The following FOXP1 variants were observed in gnomAD, a reference collection of about 807,000 sequenced individuals.
FOXP1 encodes the protein forkhead box P1.
Under a neutral mutation model 98.2 loss-of-function variants are expected in FOXP1, and 15 were observed. That is an observed-to-expected ratio of 0.15 (90% CI 0.10 to 0.24). The LOEUF is 0.24. FOXP1 is among the 10% of genes least tolerant of loss of function. The pLI is 1.00. For missense variants in FOXP1, 633 were observed against 848.5 expected (o/e 0.75, Z 3.15); for synonymous variants, 371 against 314.5 (o/e 1.18, Z -1.90).
At chr3:71,322,527 G>C (rs992170042) in intron 4 of FOXP1, among the ~76,000 whole-genome samples, 23 of 152,186 alleles carry the variant, frequency 1.5e-4, no homozygotes, top group African/African-American at 5.6e-4. Context: ...TTCTCATGGA[G>C]CCAGTACCTT....
At chr3:71,018,266 A>C (rs1423838254) in intron 11 of FOXP1, among the ~76,000 whole-genome samples, 4 of 152,208 alleles carry the variant, frequency 2.6e-5, no homozygotes, top group African/African-American at 9.6e-5. Context: ...CCTATACTTC[A>C]AAGGACAGAT....
intron 3 of FOXP1, among the ~76,000 whole-genome samples, chr3:71,483,350 T>A (rs2090424825): frequency 6.6e-6 from 1 of 152,178 alleles, no homozygotes; most frequent in Admixed American, 6.5e-5. Context: ...ACATTATTAT[T>A]TCATCAGAAA....
chr3:71,424,446 CA>C (rs1355421235), intron 3 of FOXP1, among the ~76,000 whole-genome samples: 1 of 152,182 alleles, frequency 6.6e-6, no homozygotes, highest in African/African-American at 2.4e-5. Flanking sequence ...CCAGTGCCCA[CA>C]GCCAGGTAAA....
intron 2 of FOXP1, among the ~76,000 whole-genome samples, chr3:71,510,774 A>T (rs1435652069): frequency 2.6e-5 from 4 of 152,360 alleles, no homozygotes; most frequent in South Asian, 4.1e-4. Context: ...GAAAGTGTTC[A>T]TTCCTGGCAT....
intron 5 of FOXP1, among the ~76,000 whole-genome samples, chr3:71,268,598 C>G (rs2704799): frequency 0.016 from 2,374 of 152,254 alleles, 64 homozygotes; most frequent in African/African-American, 0.054. Flanking sequence ...ATCATGCCAG[C>G]CCCTCTGACC....
intron 5 of FOXP1, among the ~76,000 whole-genome samples, chr3:71,263,787 A>C (rs2107214302): frequency 6.6e-6 from 1 of 151,762 alleles, no homozygotes; most frequent in South Asian, 2.1e-4. Context: ...TCTGTCACCC[A>C]CGCTGGAGTG....
chr3:71,238,983 A>G (rs2067028968), intron 5 of FOXP1, among the ~76,000 whole-genome samples: 1 of 152,212 alleles, frequency 6.6e-6, no homozygotes, highest in Non-Finnish European at 1.5e-5. Context: ...TCAATCAGGA[A>G]ATATTTCTTC....
intron 12 of FOXP1, among the ~76,000 whole-genome samples, chr3:71,005,283 A>G (rs1247389045): frequency 7.0e-6 from 1 of 142,648 alleles, no homozygotes; most frequent in African/African-American, 2.6e-5. Flanking sequence ...TAGAAACTGA[A>G]TCAGAGGTGG....
intron 7 of FOXP1, among the ~76,000 whole-genome samples, chr3:71,081,998 G>A (rs1398364381): frequency 5.9e-5 from 9 of 152,026 alleles, no homozygotes; most frequent in African/African-American, 1.2e-4. Flanking sequence ...ACGGTGCTGC[G>A]CTGGGCGCGG....
chr3:71,034,837 T>C (rs1489624841), intron 11 of FOXP1, among the ~76,000 whole-genome samples: 1 of 152,180 alleles, frequency 6.6e-6, no homozygotes, highest in Non-Finnish European at 1.5e-5. Flanking sequence ...AGTCATATGA[T>C]TTCTACTCTG....
intron 1 of FOXP1, 106 bp downstream of exon 1, chr3:71,583,465 C>CTTT (rs1195207970): frequency 1.2e-5 from 9 of 735,982 alleles, no homozygotes; most frequent in East Asian, 1.4e-4. Context: ...TTCTTTCTTT[C>CTTT]TTTTTTTTTT....
At chr3:71,064,912 G>T in intron 7 of FOXP1, 1 of 600,434 alleles carries the variant, frequency 1.7e-6, no homozygotes, top group Non-Finnish European at 2.1e-6. Context: ...GCCTCGGCGT[G>T]CAGGCGGACT....
chr3:71,294,489 C>A (rs1402957145), intron 5 of FOXP1, among the ~76,000 whole-genome samples: 1 of 152,166 alleles, frequency 6.6e-6, no homozygotes, highest in African/African-American at 2.4e-5. Context: ...GCCTGCCCCT[C>A]TAGACTATCA....
intron 3 of FOXP1, among the ~76,000 whole-genome samples, chr3:71,450,574 T>C (rs923519915): frequency 3.3e-5 from 5 of 152,240 alleles, no homozygotes; most frequent in African/African-American, 1.2e-4. Flanking sequence ...TAGTTCCTAA[T>C]GTCTAGTGTA....
Position 70,955,657 on chromosome 3 carries a change from C to G in FOXP1, c.*3590G>C. On this transcript the variant is annotated 3_prime_UTR_variant, in exon 21 of 21. Transcript: ENST00000649528. ...CACTGATAAACTTGGAAAAGTGTGACCCTGGAATTTCATCATGCAAAATAT... is the reference window on the plus strand; with the variant it reads ...CACTGATAAACTTGGAAAAGTGTGAGCCTGGAATTTCATCATGCAAAATAT... The G allele has an allele frequency of 4.3e-6, 1 of 232,982 alleles. No homozygotes were observed. The highest frequency in any genetic ancestry group is 8.5e-6 in the Non-Finnish European group (1 of 117,958). The allele number at this position is 232,982 out of a possible 1,614,324, so 14.4% of individuals were successfully genotyped here.
intron 3 of FOXP1, among the ~76,000 whole-genome samples, chr3:71,435,204 G>A (rs1368438483): frequency 1.6e-5 from 2 of 125,874 alleles, no homozygotes; most frequent in African/African-American, 6.3e-5. Context: ...AGGAAGAAGG[G>A]AAGGAAGGGA....
chr3:71,327,678 TGCCCA>T (rs1203114764), intron 4 of FOXP1, among the ~76,000 whole-genome samples: 2 of 152,038 alleles, frequency 1.3e-5, no homozygotes, highest in East Asian at 3.9e-4. Flanking sequence ...TGAGCCACTG[TGCCCA>T]GCCCAATTTC....
intron 3 of FOXP1, among the ~76,000 whole-genome samples, chr3:71,447,266 T>G (rs1414332533): frequency 1.3e-5 from 2 of 152,216 alleles, no homozygotes; most frequent in Non-Finnish European, 2.9e-5. Flanking sequence ...CTGTTTAAAT[T>G]TAGCCACTAT....
At chr3:71,250,142 T>C (rs1414757475) in intron 5 of FOXP1, among the ~76,000 whole-genome samples, 1 of 150,094 alleles carries the variant, frequency 6.7e-6, no homozygotes, top group South Asian at 2.1e-4. Flanking sequence ...TAAGCTACCC[T>C]ATGCATTGCA....
Sources: gnomAD v4.1 joint callset for allele counts (sites outside exome capture counted in the v4.1 genomes callset) on GRCh38, gnomAD v4.1.1 for gene constraint, MANE v1.5 for transcripts, NCBI Gene and HGNC (gene_info 2026-07-23, HGNC 2026-07-21) for gene names.